Variants in ROS1 observed in about 807,000 individuals in gnomAD.
ROS1 encodes proto-oncogene tyrosine-protein kinase ROS.
A neutral mutation model predicts 273.5 loss-of-function variants in ROS1; 263 were observed. The ratio of observed to expected loss-of-function variants is 0.96; its 90% CI spans 0.87 to 1.06. The LOEUF (loss-of-function observed/expected upper bound fraction) is 1.06. Among genes scored for constraint, ROS1 ranks in the 50% least tolerant of loss-of-function variants. The pLI, the probability that ROS1 is intolerant of heterozygous loss-of-function variation, is 0.00. For missense variants in ROS1, 2,833 were observed against 2,751.1 expected (o/e 1.03, Z -0.67); for synonymous variants, 1,008 against 954.1 (o/e 1.06, Z -1.04).
At chr6:117,298,371 T>C (rs1774417647) in intron 43 of ROS1, among the ~76,000 whole-genome samples, 1 of 152,168 alleles carries the variant, frequency 6.6e-6, no homozygotes, top group Non-Finnish European at 1.5e-5. Flanking sequence ...GTTAAGAAAA[T>C]GTGCTTTCAG....
intron 1 of ROS1, among the ~76,000 whole-genome samples, chr6:117,419,153 A>G (rs964253480): frequency 1.3e-5 from 2 of 152,210 alleles, no homozygotes; most frequent in Non-Finnish European, 2.9e-5. Context: ...AGAGAGCAGC[A>G]TTCTATCACT....
chr6:117,308,237 A>G (rs1775259197), intron 42 of ROS1, among the ~76,000 whole-genome samples: 1 of 152,154 alleles, frequency 6.6e-6, no homozygotes. Flanking sequence ...TTGGAATTCA[A>G]TAATGGCCAG....
intron 24 of ROS1, among the ~76,000 whole-genome samples, chr6:117,358,963 C>T (rs550885713): frequency 6.6e-6 from 1 of 152,264 alleles, no homozygotes; most frequent in East Asian, 1.9e-4. Flanking sequence ...TAATGACCCA[C>T]TAAATATCTT....
At chr6:117,336,851 CAATA>C (rs1197953948) in intron 32 of ROS1, among the ~76,000 whole-genome samples, 2 of 151,838 alleles carry the variant, frequency 1.3e-5, no homozygotes, top group African/African-American at 4.8e-5. Flanking sequence ...ATATAGTAGC[CAATA>C]AATATTTTTT....
intron 35 of ROS1, 134 bp downstream of exon 35, chr6:117,324,198 G>A (rs2128574349): frequency 3.3e-6 from 2 of 609,478 alleles, no homozygotes; most frequent in Admixed American, 3.5e-5. Context: ...TATAGCCAAA[G>A]GTAACAATGT....
At position 117,396,940 on chromosome 6, in the gene ROS1, A is replaced by C. The variant is rs150306025; in HGVS notation, c.781T>G (p.Ser261Ala). The C allele has an allele frequency of 1.2e-5, 20 of 1,613,688 alleles. No homozygotes were observed. Among genetic ancestry groups the C allele is most frequent in the Non-Finnish European group, 1.5e-5 (18 of 1,179,652 alleles). ...GTQRTSFQFY[S>A]TLPNTIYRFS... is the part of the protein sequence containing the mutation. ...CTGTAGATAGTATTTGGTAAAGTGG[A>C]GTAAAACTGGAAACTGGTTCTCTGT... Residue 261 changes from serine (S) to alanine (A), a missense_variant, in exon 8 of 44, where the codon TCC (serine) becomes GCC (alanine). Coordinates refer to ENST00000368507, the MANE Select transcript of ROS1 (RefSeq NM_001378902.1).
chr6:117,365,005 A>G (rs1430239201), intron 21 of ROS1, 55 bp downstream of exon 21: 1 of 1,543,272 alleles, frequency 6.5e-7, no homozygotes, highest in East Asian at 2.2e-5. Context: ...ATTCCAGATC[A>G]TGAAAAGTGA....
In ROS1 at chr6:117,397,007, G is replaced by C. The variant is rs747824037; in HGVS notation, c.714C>G (p.Asn238Lys). ...QFPGGPILGY[N>K]LRLISKNQKL... ...TTTGATTTTTGCTGATCAGCCTTAA[G>C]TTATAACCCAAAATAGGTCCACCTG... Residue 238 changes from asparagine (N) to lysine (K), a missense_variant, in exon 8 of 44, where the codon AAC becomes AAG. Asn to Lys is a moderately conservative substitution (Grantham distance 94). Coordinates refer to ENST00000368507, the MANE Select transcript of ROS1 (RefSeq NM_001378902.1). The C allele has an allele frequency of 6.2e-7, 1 of 1,614,002 alleles. No individual in the cohort carries two copies. Among genetic ancestry groups the C allele is most frequent in the Non-Finnish European group, 8.5e-7 (1 of 1,179,906 alleles).
At chr6:117,294,563 C>T (rs73563102) in intron 43 of ROS1, among the ~76,000 whole-genome samples, 2,104 of 152,202 alleles carry the variant, frequency 0.014, 48 homozygotes, top group African/African-American at 0.048. Flanking sequence ...GGGATATTAG[C>T]GTGCTCTTAT....
At chr6:117,321,870 T>A (rs1394038392) in intron 35 of ROS1, among the ~76,000 whole-genome samples, 1 of 147,806 alleles carries the variant, frequency 6.8e-6, no homozygotes, top group Non-Finnish European at 1.5e-5. Flanking sequence ...AGAGTGTTTA[T>A]CATTGTTGTT....
intron 4 of ROS1, among the ~76,000 whole-genome samples, chr6:117,413,797 C>T (rs1294082419): frequency 1.3e-5 from 2 of 152,092 alleles, no homozygotes; most frequent in Non-Finnish European, 2.9e-5. Flanking sequence ...GCCTGGCCAA[C>T]ATGGCAAAAC....
chr6:117,326,346 C>A lies in ROS1; in HGVS notation c.5417G>T (p.Ser1806Ile). ...TTTGGACTTCCATGTGCAAACACTA[C>A]TGCAGGATCCATTAAATGTCATCTT... ...RWKMTFNGSC[S>I]SVCTWKSKNL... The change falls in exon 34 of 44, where the codon AGT (serine) becomes ATT (isoleucine). Residue 1806 changes from serine (S) to isoleucine (I), a missense_variant. By Grantham distance (142) the Ser-to-Ile change is moderately radical. Transcript: ENST00000368507. 1 of 1,592,846 alleles carries A rather than the reference C, an allele frequency of 6.3e-7. No individual in the cohort carries two copies. Among genetic ancestry groups the A allele is most frequent in the Non-Finnish European group, 8.5e-7 (1 of 1,173,226 alleles).
intron 17 of ROS1, among the ~76,000 whole-genome samples, chr6:117,382,188 A>G (rs1046982098): frequency 1.4e-4 from 21 of 152,222 alleles, no homozygotes; most frequent in African/African-American, 5.1e-4. Flanking sequence ...GTGACTCCAA[A>G]ATAGAATTAA....
At chr6:117,416,679 C>A (rs573966646) in intron 2 of ROS1, among the ~76,000 whole-genome samples, 3 of 152,132 alleles carry the variant, frequency 2.0e-5, no homozygotes, top group Non-Finnish European at 4.4e-5. Context: ...TCCTGGGTCC[C>A]TAAGGTGTCC....
chr6:117,367,672 C>T (rs1462857884), intron 18 of ROS1, among the ~76,000 whole-genome samples: 1 of 152,130 alleles, frequency 6.6e-6, no homozygotes, highest in African/African-American at 2.4e-5. Flanking sequence ...GCATGGAACC[C>T]CAGCTCAGCC....
chr6:117,323,179 C>G (rs995245203), intron 35 of ROS1, among the ~76,000 whole-genome samples: 1 of 152,014 alleles, frequency 6.6e-6, no homozygotes, highest in Admixed American at 6.6e-5. Flanking sequence ...GCAGGGTCAG[C>G]TGAAATTTTT....
At chr6:117,400,297 C>A (rs546174133) in intron 7 of ROS1, among the ~76,000 whole-genome samples, 2 of 152,158 alleles carry the variant, frequency 1.3e-5, no homozygotes. Context: ...TTTGTCAGTA[C>A]GTTTTCTATG....
In ROS1 at chr6:117,365,712, G is replaced by T; in HGVS notation, c.2827C>A (p.Pro943Thr). ...AATGAAGACTCTTGAACAGAATCTG[G>T]AATAACCTTAGGGGTAAAGGAAAAG... Reference protein sequence around the residue: ...GNFSFTPKVIPDSVQESSFRI... With the variant: ...GNFSFTPKVITDSVQESSFRI... The change falls in exon 20 of 44, where the codon CCA becomes ACA. Residue 943 changes from proline to threonine, a missense_variant. Coordinates refer to ENST00000368507, the MANE Select transcript of ROS1 (RefSeq NM_001378902.1). 3 of 1,601,312 alleles carry T rather than the reference G, an allele frequency of 1.9e-6. No individual in the cohort carries two copies. Among genetic ancestry groups the T allele is most frequent in the Non-Finnish European group, 2.6e-6 (3 of 1,175,516 alleles).
At chr6:117,401,498 C>T (rs888629463) in intron 7 of ROS1, among the ~76,000 whole-genome samples, 1 of 152,192 alleles carries the variant, frequency 6.6e-6, no homozygotes, top group East Asian at 1.9e-4. Flanking sequence ...ATTGACATTC[C>T]TGCAGCCATC....
Sources: allele counts gnomAD v4.1 joint callset (sites outside exome capture counted in the v4.1 genomes callset), GRCh38; gene constraint gnomAD v4.1.1; transcripts MANE v1.5; gene names NCBI Gene and HGNC (gene_info 2026-07-23, HGNC 2026-07-21).